MTUS2: variants seen among roughly 807,000 people sequenced by gnomAD.
The protein encoded by MTUS2 is microtubule-associated tumor suppressor candidate 2.
In MTUS2, 40 loss-of-function variants were observed where a neutral mutation model predicts 114.1. That is an observed-to-expected ratio of 0.35 (90% CI 0.27 to 0.46). The LOEUF is 0.46. Ranked by LOEUF, MTUS2 falls within the 20% of genes least tolerant of loss-of-function variation. MTUS2 has a pLI of 1.00. For missense variants in MTUS2, 1,679 were observed against 1,705.4 expected (o/e 0.98, Z 0.27); for synonymous variants, 688 against 672.0 (o/e 1.02, Z -0.37).
chr13:29,382,986 A>T (rs1002453768), intron 8 of MTUS2, among the ~76,000 whole-genome samples: 5 of 152,186 alleles, frequency 3.3e-5, no homozygotes, highest in African/African-American at 1.2e-4. Context: ...GAGTTGGAAT[A>T]AACACTAAGC....
At chr13:28,826,232 C>A (rs530611479) in intron 1 of MTUS2, among the ~76,000 whole-genome samples, 8 of 152,176 alleles carry the variant, frequency 5.3e-5, no homozygotes, top group African/African-American at 1.7e-4. Flanking sequence ...ATGGTCATAT[C>A]ATCTGCTAAA....
intron 2 of MTUS2, among the ~76,000 whole-genome samples, chr13:28,964,210 G>T (rs1336956612): frequency 1.3e-5 from 2 of 152,104 alleles, no homozygotes; most frequent in Non-Finnish European, 2.9e-5. Context: ...CTGGTCATCT[G>T]CAGTCTAGTA....
chr13:29,395,608 C>T (rs1305270548), intron 8 of MTUS2, among the ~76,000 whole-genome samples: 2 of 152,288 alleles, frequency 1.3e-5, no homozygotes, highest in Middle Eastern at 3.4e-3. Context: ...AAATCTGCTG[C>T]ACTTATGCAT....
chr13:29,173,795 A>C (rs2139128956), intron 5 of MTUS2, among the ~76,000 whole-genome samples: 1 of 152,190 alleles, frequency 6.6e-6, no homozygotes, highest in East Asian at 1.9e-4. Context: ...GCATTAAAAA[A>C]ACTCCCCTTA....
At chr13:29,307,841 T>A in intron 6 of MTUS2, 1 of 700,192 alleles carries the variant, frequency 1.4e-6, no homozygotes, top group Non-Finnish European at 2.6e-6. Context: ...AGGCCTTCAC[T>A]GCTGGGGGAC....
At chr13:28,998,984 G>A (rs1252720220) in intron 2 of MTUS2, among the ~76,000 whole-genome samples, 1 of 152,120 alleles carries the variant, frequency 6.6e-6, no homozygotes, top group African/African-American at 2.4e-5. Context: ...TAGAGTTTCC[G>A]GTTTTTCTGC....
At chr13:29,315,599 T>C (rs1248599982) in intron 6 of MTUS2, among the ~76,000 whole-genome samples, 1 of 152,172 alleles carries the variant, frequency 6.6e-6, no homozygotes, top group Non-Finnish European at 1.5e-5. Context: ...TGTCATTGTG[T>C]GCTCAGCTGG....
chr13:29,154,091 C>T (rs1159479323), intron 5 of MTUS2, among the ~76,000 whole-genome samples: 1 of 152,194 alleles, frequency 6.6e-6, no homozygotes, highest in Non-Finnish European at 1.5e-5. Context: ...TGTGTTGTTC[C>T]AGCCCTGGCC....
At chr13:29,235,675 G>A (rs1339506643) in intron 5 of MTUS2, among the ~76,000 whole-genome samples, 1 of 151,872 alleles carries the variant, frequency 6.6e-6, no homozygotes, top group Non-Finnish European at 1.5e-5. Context: ...TTTTTCAAAG[G>A]TTTATTTAAA....
At chr13:28,927,163 A>G (rs1004504502) in intron 2 of MTUS2, among the ~76,000 whole-genome samples, 1 of 152,220 alleles carries the variant, frequency 6.6e-6, no homozygotes, top group Non-Finnish European at 1.5e-5. Context: ...TGGTTGATGT[A>G]AATAGAAACA....
chr13:29,116,283 A>G (rs1410345768), intron 5 of MTUS2, among the ~76,000 whole-genome samples: 2 of 152,242 alleles, frequency 1.3e-5, no homozygotes, highest in Non-Finnish European at 2.9e-5. Flanking sequence ...TTTACCCTAA[A>G]TATATGCAAT....
At chr13:29,285,513 G>A (rs1226358053) in intron 6 of MTUS2, among the ~76,000 whole-genome samples, 1 of 152,194 alleles carries the variant, frequency 6.6e-6, no homozygotes, top group African/African-American at 2.4e-5. Context: ...AGATTACCTG[G>A]GAATTAGTCT....
chr13:29,178,872 T>C (rs1893882483), intron 5 of MTUS2, among the ~76,000 whole-genome samples: 1 of 152,140 alleles, frequency 6.6e-6, no homozygotes, highest in South Asian at 2.1e-4. Flanking sequence ...TTTTAGAAGA[T>C]TTAGTAAGAC....
At chr13:29,248,655 G>A (rs572326572) in intron 5 of MTUS2, among the ~76,000 whole-genome samples, 29 of 152,098 alleles carry the variant, frequency 1.9e-4, no homozygotes, top group Non-Finnish European at 3.1e-4. Flanking sequence ...AGGCACCAGT[G>A]TGTGTTGTTC....
intron 8 of MTUS2, among the ~76,000 whole-genome samples, chr13:29,392,908 A>G (rs1873619967): frequency 6.6e-6 from 1 of 152,228 alleles, no homozygotes; most frequent in African/African-American, 2.4e-5. Context: ...CACAATAAAA[A>G]ATTAACTTAA....
At chr13:28,895,144 G>A (rs3011024) in intron 2 of MTUS2, among the ~76,000 whole-genome samples, 19,407 of 152,184 alleles carry the variant, frequency 0.13, 1,491 homozygotes, top group African/African-American at 0.2. Context: ...GGGGAAGCTC[G>A]TATCTATTTG....
chr13:29,097,839 G>A (rs1278162933), intron 4 of MTUS2, among the ~76,000 whole-genome samples: 1 of 152,170 alleles, frequency 6.6e-6, no homozygotes, highest in Non-Finnish European at 1.5e-5. Flanking sequence ...CACATTGGAA[G>A]TTAGGATTTA....
intron 4 of MTUS2, among the ~76,000 whole-genome samples, chr13:29,034,391 A>G (rs1360242364): frequency 6.6e-6 from 1 of 152,220 alleles, no homozygotes; most frequent in Non-Finnish European, 1.5e-5. Flanking sequence ...CCTATAAAAC[A>G]AGGCTCAGAA....
At chr13:29,045,842 C>T (rs1887589054) in intron 4 of MTUS2, among the ~76,000 whole-genome samples, 1 of 152,106 alleles carries the variant, frequency 6.6e-6, no homozygotes, top group South Asian at 2.1e-4. Flanking sequence ...GATTTCTCTC[C>T]CCTCCTGGGC....
Sources: allele counts gnomAD v4.1 joint callset (sites outside exome capture counted in the v4.1 genomes callset), GRCh38; gene constraint gnomAD v4.1.1; transcripts MANE v1.5; gene names NCBI Gene and HGNC (gene_info 2026-07-23, HGNC 2026-07-21).